The following TRIP11 variants were observed in gnomAD, a reference collection of about 807,000 sequenced individuals.
The protein encoded by TRIP11 is thyroid receptor-interacting protein 11.
TRIP11 carries 148 observed loss-of-function variants against 223.1 expected under a neutral mutation model. The observed-to-expected ratio is 0.66, with a 90% CI of 0.58 to 0.76. TRIP11 has a LOEUF of 0.76. TRIP11 is among the 30% of genes least tolerant of loss of function. The pLI, the probability that TRIP11 is intolerant of heterozygous loss-of-function variation, is 0.00. For missense variants in TRIP11, 2,043 were observed against 2,222.0 expected (o/e 0.92, Z 1.62); for synonymous variants, 762 against 772.6 (o/e 0.99, Z 0.23).
At chr14:92,028,001 C>T (rs2057211876) in intron 2 of TRIP11, among the ~76,000 whole-genome samples, 1 of 152,224 alleles carries the variant, frequency 6.6e-6, no homozygotes, top group Admixed American at 6.5e-5. Flanking sequence ...ATGGTCCCAA[C>T]AGCTGATTAC....
intron 19 of TRIP11, 151 bp from the exon 20 acceptor site, chr14:91,973,012 G>T (rs878902865): frequency 1.7e-5 from 10 of 579,334 alleles, no homozygotes; most frequent in Non-Finnish European, 2.5e-5. Context: ...ATGAACAATT[G>T]AAAATACTGG....
rs767058262 is a variant in TRIP11, at chr14:92,005,228, TTGA to T, written c.2745_2747del (p.His915del). On this transcript the variant is annotated inframe_deletion, in exon 11 of 21. Coordinates refer to ENST00000267622, the MANE Select transcript of TRIP11 (RefSeq NM_004239.4). ...TCTGGTTTTGATCTTCAATTATCTT[TTGA>T]TGATGTTTAATTTCCTCTTCAAGAT... 2.5e-6 allele frequency: 4 copies of T among 1,614,222 alleles called. No homozygotes were observed. The highest frequency in any genetic ancestry group is 2.5e-6 in the Non-Finnish European group (3 of 1,180,044).
chr14:91,974,608 G>A lies in TRIP11; in HGVS notation c.5574+19C>T, dbSNP rs561150244. ...TCATTTTACTATTCACCTTAAGCAAGAATAAAATTGTTTCTTACACTATTA... is the reference window on the plus strand; with the variant it reads ...TCATTTTACTATTCACCTTAAGCAAAAATAAAATTGTTTCTTACACTATTA... On this transcript the variant is annotated intron_variant, in intron 19 of 20. Transcript: ENST00000267622. The A allele has an allele frequency of 4.5e-6, 7 of 1,559,892 alleles. No homozygotes were observed. Among genetic ancestry groups the A allele is most frequent in the African/African-American group, 4.1e-5 (3 of 73,976 alleles).
rs1487893479 is a variant in TRIP11, at chr14:92,037,485, G to A, written c.139+2062C>T. Among the ~76,000 whole-genome samples the A allele has an allele frequency of 6.6e-6, 1 of 152,222 alleles. No individual in the cohort carries two copies. Among genetic ancestry groups the A allele is most frequent in the African/African-American group, 2.4e-5 (1 of 41,450 alleles). ...TTTCCATGTAGAGGCTTGAAGTTGT[G>A]TAAGTGCCTGACAAAATCCCACACG... On this transcript the variant is annotated intron_variant, in intron 1 of 20. Coordinates refer to ENST00000267622, the MANE Select transcript of TRIP11 (RefSeq NM_004239.4). The surrounding 1 kb of genome is among the most constrained non-coding windows in gnomAD (Gnocchi z 4.2).
intron 10 of TRIP11, 127 bp from the exon 11 acceptor site, chr14:92,006,575 T>C: frequency 9.4e-7 from 1 of 1,066,124 alleles, no homozygotes. Flanking sequence ...TTAAAAACAT[T>C]GTTTTTCTAT....
rs1339820598 is a variant in TRIP11, at chr14:92,004,503, G to C, written c.3473C>G (p.Thr1158Ser). 5.0e-6 allele frequency: 8 copies of C among 1,613,154 alleles called. No homozygotes were observed. The highest frequency in any genetic ancestry group is 6.8e-6 in the Non-Finnish European group (8 of 1,180,000). ...ESSGQDMFRETIQNLSRIIRE... is the reference protein window; with the variant it reads ...ESSGQDMFRESIQNLSRIIRE... ...AATGATACGTGATAAATTCTGAATAGTTTCTCTAAACATATCTTGGCCACT... is the reference window on the plus strand; with the variant it reads ...AATGATACGTGATAAATTCTGAATACTTTCTCTAAACATATCTTGGCCACT... The change falls in exon 11 of 21, where the codon ACT (threonine) becomes AGT (serine). Residue 1158 changes from threonine to serine, a missense_variant. Transcript: ENST00000267622.
At position 91,978,596 on chromosome 14, in the gene TRIP11, T is replaced by A. The variant is rs1371880729; in HGVS notation, c.5261-2407A>T. ...TCACTGCAGCCTCAAACTCCTGGGG[T>A]CAAGCCATCCTCCTGCCTCAGCCTC... On this transcript the variant is annotated intron_variant, in intron 16 of 20. Transcript: ENST00000267622. The surrounding 1 kb of genome is among the most constrained non-coding windows in gnomAD (Gnocchi z 4.4). Among the ~76,000 whole-genome samples the A allele has an allele frequency of 1.3e-5, 2 of 151,942 alleles. No individual in the cohort carries two copies. The highest frequency in any genetic ancestry group is 2.9e-5 in the Non-Finnish European group (2 of 68,002).
chr14:92,033,397 T>C (rs2057290146), intron 1 of TRIP11, 144 bp from the exon 2 acceptor site: 1 of 668,674 alleles, frequency 1.5e-6, no homozygotes, highest in Admixed American at 2.8e-5. Context: ...AATCGCTTTA[T>C]TTCCATAACA....
intron 20 of TRIP11, among the ~76,000 whole-genome samples, chr14:91,972,320 C>A (rs927842305): frequency 6.6e-6 from 1 of 152,156 alleles, no homozygotes; most frequent in Non-Finnish European, 1.5e-5. Context: ...CCTTCTCAAA[C>A]TATAAACTAC....
At position 92,025,736 on chromosome 14, in the gene TRIP11, C is replaced by T. The variant is rs185340934; in HGVS notation, c.202-316G>A. Among the ~76,000 whole-genome samples the T allele has an allele frequency of 1.2e-3, 184 of 152,170 alleles. 2 individuals carry two copies. The South Asian group carries it at 0.024, about 20-fold the overall frequency. ...TACTAAAATACAAAAAAAAATTAGA[C>T]GGGCGTGGTGGCGTGTGCCCGTAAT... is the stretch of plus-strand genomic sequence containing the variant. On this transcript the variant is annotated intron_variant, in intron 2 of 20. Coordinates refer to ENST00000267622, the MANE Select transcript of TRIP11 (RefSeq NM_004239.4).
chr14:91,990,100 A>G (rs563596688), intron 15 of TRIP11, among the ~76,000 whole-genome samples: 3 of 152,284 alleles, frequency 2.0e-5, no homozygotes, highest in African/African-American at 7.2e-5. Flanking sequence ...ATATATATCA[A>G]TATATAAATT....
At chr14:92,006,582 C>T (rs1466285013) in intron 10 of TRIP11, 134 bp from the exon 11 acceptor site, 2 of 967,926 alleles carry the variant, frequency 2.1e-6, no homozygotes, top group Non-Finnish European at 3.0e-6. Flanking sequence ...CATTGTTTTT[C>T]TATCAAAAAC....
chr14:91,979,264 A>AG (rs2056506919), intron 16 of TRIP11, among the ~76,000 whole-genome samples: 1 of 151,432 alleles, frequency 6.6e-6, no homozygotes, highest in African/African-American at 2.4e-5. Context: ...CTCCAAAAAA[A>AG]AAAAAAAAAG....
At chr14:91,999,058 C>T (rs1360020857) in intron 13 of TRIP11, among the ~76,000 whole-genome samples, 182 bp downstream of exon 13, 2 of 152,134 alleles carry the variant, frequency 1.3e-5, no homozygotes, top group Non-Finnish European at 2.9e-5. Context: ...TGTGAAACCC[C>T]CACACACACT....
Position 92,014,441 on chromosome 14 carries a change from T to G in TRIP11, c.960A>C (p.Lys320Asn). ...TGTCATTTTCTGCAGAAGATAATTT[T>G]TTATTTATATCTTTTATTTTATCCT... ...QLEDKIKDIN[K>N]KLSSAENDRD... Residue 320 changes from lysine (K) to asparagine (N), a missense_variant, in exon 7 of 21, where the codon AAA (lysine) becomes AAC (asparagine). Physicochemically the swap from Lys to Asn is moderately conservative, Grantham distance 94 (BLOSUM62 0). Transcript: ENST00000267622. 4.4e-6 allele frequency: 7 copies of G among 1,603,640 alleles called. No individual in the cohort carries two copies. Among genetic ancestry groups the G allele is most frequent in the Non-Finnish European group, 6.0e-6 (7 of 1,175,522 alleles).
intron 6 of TRIP11, 56 bp downstream of exon 6, chr14:92,015,640 A>G (rs2057026259): frequency 1.4e-6 from 2 of 1,445,892 alleles, no homozygotes; most frequent in Non-Finnish European, 1.9e-6. Context: ...CCTGGGCAAC[A>G]GATGGAGACT....
chr14:91,989,657 T>C (rs890095943), intron 15 of TRIP11, among the ~76,000 whole-genome samples: 1 of 151,946 alleles, frequency 6.6e-6, no homozygotes, highest in African/African-American at 2.4e-5. Context: ...TGTGTCATCC[T>C]GGATAGGTCA....
Position 92,006,341 on chromosome 14 carries a change from TTGA to T in TRIP11, c.1632_1634del (p.His544del). 2 of 1,611,518 alleles carry T rather than the reference TTGA, an allele frequency of 1.2e-6. No homozygotes were observed. Among genetic ancestry groups the T allele is most frequent in the African/African-American group, 1.3e-5 (1 of 74,886 alleles). ...TAATGTCCATTTTATCATCTTCAAG[TTGA>T]TGAACTCTCTTTTTTTCATCATTTA... On this transcript the variant is annotated inframe_deletion, in exon 11 of 21. Coordinates refer to ENST00000267622, the MANE Select transcript of TRIP11 (RefSeq NM_004239.4).
intron 15 of TRIP11, 32 bp downstream of exon 15, chr14:91,993,777 A>C: frequency 1.3e-6 from 2 of 1,519,850 alleles, no homozygotes; most frequent in Non-Finnish European, 1.8e-6. Flanking sequence ...CATGAATAAT[A>C]AAACCTACAA....
Sources: allele counts gnomAD v4.1 joint callset (sites outside exome capture counted in the v4.1 genomes callset), GRCh38; gene constraint gnomAD v4.1.1; non-coding constraint Gnocchi (gnomAD v3.1); transcripts MANE v1.5; gene names NCBI Gene and HGNC (gene_info 2026-07-23, HGNC 2026-07-21).